DIAPH3: variants seen among roughly 807,000 people sequenced by gnomAD.
The protein encoded by DIAPH3 is diaphanous related formin 3.
DIAPH3 carries 117 observed loss-of-function variants against 144.3 expected under a neutral mutation model. That is an observed-to-expected ratio of 0.81 (90% CI 0.70 to 0.95). The LOEUF (loss-of-function observed/expected upper bound fraction) is 0.95. DIAPH3 is among the 40% of genes least tolerant of loss of function. The pLI is 0.00. For synonymous variants in DIAPH3, 519 were observed against 488.9 expected, an observed-to-expected ratio of 1.06 and a Z score of -0.81; for missense variants, 1,421 against 1,412.7, an observed-to-expected ratio of 1.01 and a Z score of -0.09.
At chr13:59,990,522 T>A (rs186106837) in intron 12 of DIAPH3, among the ~76,000 whole-genome samples, 1 of 152,074 alleles carries the variant, frequency 6.6e-6, no homozygotes, top group African/African-American at 2.4e-5. Context: ...GAACATTTAC[T>A]AAGCATACAC....
chr13:59,955,856 G>C (rs1374170997), intron 17 of DIAPH3, among the ~76,000 whole-genome samples: 2 of 152,160 alleles, frequency 1.3e-5, no homozygotes, highest in Non-Finnish European at 2.9e-5. Flanking sequence ...TTGAGAACTA[G>C]AATAAAGGTG....
At chr13:60,042,666 T>C (rs369465052) in intron 5 of DIAPH3, 24 bp downstream of exon 5, 49 of 1,612,976 alleles carry the variant, frequency 3.0e-5, no homozygotes, top group Non-Finnish European at 3.9e-5. Flanking sequence ...ATCTGCCCTG[T>C]TGGTGTTCAA....
chr13:59,992,016 T>C, intron 11 of DIAPH3, 52 bp downstream of exon 11: 1 of 1,448,688 alleles, frequency 6.9e-7, no homozygotes, highest in Non-Finnish European at 9.7e-7. Context: ...GTATTTTGGA[T>C]TTAGCAATAA....
chr13:59,852,726 C>T (rs2043048337), intron 22 of DIAPH3, among the ~76,000 whole-genome samples: 2 of 152,126 alleles, frequency 1.3e-5, no homozygotes, highest in South Asian at 4.1e-4. Context: ...AAACTACTAA[C>T]ATAAGCCTAC....
At chr13:59,690,067 AAGGATAACATGATGGTT>A (rs1450427312) in intron 27 of DIAPH3, among the ~76,000 whole-genome samples, 1 of 152,066 alleles carries the variant, frequency 6.6e-6, no homozygotes, top group Non-Finnish European at 1.5e-5. Flanking sequence ...ATGGTGAAGA[AAGGATAACATGATGGTT>A]ACCTAGCTTC....
intron 5 of DIAPH3, among the ~76,000 whole-genome samples, chr13:60,040,516 G>C (rs552266322): frequency 6.6e-6 from 1 of 152,204 alleles, no homozygotes; most frequent in South Asian, 2.1e-4. Context: ...CCCATTGTAA[G>C]ATGCATGAAT....
intron 27 of DIAPH3, among the ~76,000 whole-genome samples, chr13:59,741,065 T>C (rs7335029): frequency 0.053 from 8,070 of 152,292 alleles, 307 homozygotes; most frequent in South Asian, 0.11. Flanking sequence ...TGTTAACGGA[T>C]CATTTTTACA....
At chr13:59,677,162 T>C (rs929751035) in intron 27 of DIAPH3, among the ~76,000 whole-genome samples, 4 of 152,130 alleles carry the variant, frequency 2.6e-5, no homozygotes, top group Admixed American at 6.5e-5. Context: ...AACCCAAGCA[T>C]GGCATGATTT....
intron 22 of DIAPH3, among the ~76,000 whole-genome samples, chr13:59,852,257 T>C (rs1363250170): frequency 6.6e-6 from 1 of 152,204 alleles, no homozygotes; most frequent in Non-Finnish European, 1.5e-5. Context: ...TTACCCAATA[T>C]CTTATTTTCT....
intron 21 of DIAPH3, among the ~76,000 whole-genome samples, chr13:59,872,676 T>A (rs767711719): frequency 6.9e-4 from 105 of 152,344 alleles, no homozygotes; most frequent in Admixed American, 1.8e-3. Context: ...GAGTGTCTTG[T>A]TTCTGGTTTT....
In DIAPH3 at chr13:59,702,548, G is replaced by T. The variant is rs547391648; in HGVS notation, c.3320-35702C>A. ...CAAACCTTCCCTGACCTTTCACACTGCACTTACAAAGGCATTACATGACTT... is the reference window on the plus strand; with the variant it reads ...CAAACCTTCCCTGACCTTTCACACTTCACTTACAAAGGCATTACATGACTT... On this transcript the variant is annotated intron_variant, in intron 27 of 27. Transcript: ENST00000400324. 1.2e-4 allele frequency among the ~76,000 whole-genome samples: 18 copies of T among 152,238 alleles called. No homozygotes were observed. The South Asian group carries it at 3.7e-3, about 32-fold the overall frequency.
chr13:59,960,301 G>T (rs1462661726), intron 17 of DIAPH3, among the ~76,000 whole-genome samples: 1 of 152,156 alleles, frequency 6.6e-6, no homozygotes, highest in Admixed American at 6.5e-5. Flanking sequence ...TAGGAAACAA[G>T]TATTTAGTTG....
At chr13:59,851,153 T>C (rs10467394) in intron 22 of DIAPH3, among the ~76,000 whole-genome samples, 22 of 152,258 alleles carry the variant, frequency 1.4e-4, no homozygotes, top group Middle Eastern at 3.4e-3. Flanking sequence ...CCGAATCCAG[T>C]AGCACATCAA....
chr13:59,950,338 C>G (rs2049035458), intron 17 of DIAPH3, among the ~76,000 whole-genome samples: 2 of 152,194 alleles, frequency 1.3e-5, no homozygotes, highest in South Asian at 4.2e-4. Flanking sequence ...CCCAAACACC[C>G]CAGCAGCACA....
At position 59,839,073 on chromosome 13, in the gene DIAPH3, C is replaced by T. The variant is rs144914766; in HGVS notation, c.2862+251G>A. ...TTGCAGTGAGCCAAGATCATGCCAC[C>T]GCACTCCAGCCTGGGTTTCAAAAAA... On this transcript the variant is annotated intron_variant, in intron 23 of 27. Coordinates refer to ENST00000400324, the MANE Select transcript of DIAPH3 (RefSeq NM_001042517.2). 7,283 of 346,750 alleles carry T rather than the reference C, an allele frequency of 0.021. 268 individuals are homozygous for T. The highest frequency in any genetic ancestry group is 0.12 in the East Asian group (1,693 of 14,432). 21.5% of individuals were successfully genotyped at this position (346,750 alleles called of 1,614,324 possible). A position where few individuals can be genotyped will look rare whatever the true frequency, so the allele number is the denominator to read the frequency against.
intron 9 of DIAPH3, among the ~76,000 whole-genome samples, chr13:60,007,512 A>G (rs1026587658): frequency 6.6e-6 from 1 of 152,172 alleles, no homozygotes; most frequent in Non-Finnish European, 1.5e-5. Flanking sequence ...TTAAGTGTGA[A>G]AGAGATTTAC....
chr13:60,144,304 C>G (rs970592187), intron 1 of DIAPH3, among the ~76,000 whole-genome samples: 1 of 152,156 alleles, frequency 6.6e-6, no homozygotes. Context: ...CCAGGTAACT[C>G]TAATGTGCAA....
chr13:59,717,526 T>C (rs1451180177), intron 27 of DIAPH3, among the ~76,000 whole-genome samples: 1 of 152,206 alleles, frequency 6.6e-6, no homozygotes, highest in African/African-American at 2.4e-5. Flanking sequence ...GTCTGACCAC[T>C]CACTCAGACC....
intron 21 of DIAPH3, among the ~76,000 whole-genome samples, chr13:59,864,693 T>C (rs1352087039): frequency 2.0e-5 from 3 of 152,010 alleles, no homozygotes; most frequent in Non-Finnish European, 4.4e-5. Flanking sequence ...CTTAGTTTAA[T>C]AAATGTTAAA....
Sources: gnomAD v4.1 joint callset for allele counts (sites outside exome capture counted in the v4.1 genomes callset) on GRCh38, gnomAD v4.1.1 for gene constraint, MANE v1.5 for transcripts, NCBI Gene and HGNC (gene_info 2026-07-23, HGNC 2026-07-21) for gene names.